SEPTIN11: variants seen among roughly 807,000 people sequenced by gnomAD.
SEPTIN11 encodes septin-11.
SEPTIN11 carries 25 observed loss-of-function variants against 51.4 expected under a neutral mutation model. The ratio of observed to expected loss-of-function variants is 0.49; its 90% confidence interval spans 0.35 to 0.68. SEPTIN11 has a LOEUF of 0.68. Ranked by LOEUF, SEPTIN11 falls within the 30% of genes least tolerant of loss-of-function variation. SEPTIN11 has a pLI of 0.00. For synonymous variants in SEPTIN11, 174 were observed against 184.1 expected (o/e 0.95, Z 0.44); for missense variants, 381 against 520.8 (o/e 0.73, Z 2.61).
At chr4:76,952,881 T>C (rs951879664) in intron 1 of SEPTIN11, among the ~76,000 whole-genome samples, 1 of 152,180 alleles carries the variant, frequency 6.6e-6, no homozygotes, top group Admixed American at 6.5e-5. Flanking sequence ...GGGCAGCTAT[T>C]ATCTTTATTT....
intron 1 of SEPTIN11, among the ~76,000 whole-genome samples, chr4:76,980,638 TG>T (rs1722725674): frequency 1.3e-5 from 2 of 152,316 alleles, no homozygotes; most frequent in South Asian, 4.1e-4. Flanking sequence ...ATTTGAGGCT[TG>T]GATTTTTCTC....
chr4:76,975,388 AG>A (rs1206817680), intron 1 of SEPTIN11, among the ~76,000 whole-genome samples: 2 of 152,166 alleles, frequency 1.3e-5, no homozygotes, highest in African/African-American at 2.4e-5. Flanking sequence ...CCATTCCCAT[AG>A]GTTTTTGTTG....
rs114460746 is a variant in SEPTIN11 at position 76,966,088 on chromosome 4, G to C, written c.27+16158G>C. ...CTTAGGCTTTGTTAACTATGTTCCT[G>C]GGAGAGAAGGAAAGTCTGTGTTTCA... On this transcript the variant is annotated intron_variant, in intron 1 of 9. Coordinates refer to ENST00000264893, the MANE Select transcript of SEPTIN11 (RefSeq NM_018243.4). 5.8e-3 allele frequency among the ~76,000 whole-genome samples: 885 copies of C among 152,298 alleles called. 6 individuals carry two copies. The highest frequency in any genetic ancestry group is 0.021 in the African/African-American group (853 of 41,564).
intron 7 of SEPTIN11, among the ~76,000 whole-genome samples, chr4:77,023,359 A>G (rs1007364995): frequency 6.8e-6 from 1 of 147,704 alleles, no homozygotes; most frequent in Non-Finnish European, 1.5e-5. Flanking sequence ...TATATGATAT[A>G]ATTATATAAT....
intron 2 of SEPTIN11, among the ~76,000 whole-genome samples, chr4:76,999,377 G>A (rs1188359929): frequency 2.0e-5 from 3 of 152,170 alleles, no homozygotes; most frequent in East Asian, 1.9e-4. Flanking sequence ...GGACGGCCTC[G>A]TAGAGGAGGA....
chr4:77,026,985 A>G (rs1459562676), intron 7 of SEPTIN11, among the ~76,000 whole-genome samples: 1 of 152,212 alleles, frequency 6.6e-6, no homozygotes, highest in South Asian at 2.1e-4. Context: ...TTTTTATCTT[A>G]TAAGATAATG....
intron 1 of SEPTIN11, among the ~76,000 whole-genome samples, chr4:76,957,792 T>C (rs895254969): frequency 6.6e-6 from 1 of 152,092 alleles, no homozygotes; most frequent in African/African-American, 2.4e-5. Context: ...CCTCCACCCA[T>C]GAATCACCAA....
At chr4:76,994,900 CTTTTTTTTTTTTTTT>C (rs55728971) in intron 1 of SEPTIN11, among the ~76,000 whole-genome samples, 1 of 54,856 alleles carries the variant, frequency 1.8e-5, no homozygotes, top group Non-Finnish European at 3.3e-5. Context: ...CTGTACAAAG[CTTTTTTTTTTTTTTT>C]TTTTTTTTTT....
intron 1 of SEPTIN11, chr4:76,973,178 T>C (rs1460389048): frequency 1.3e-5 from 2 of 152,198 alleles, no homozygotes; most frequent in Non-Finnish European, 2.9e-5. Context: ...ACTTTATCAC[T>C]CAAAGCCTGT....
intron 1 of SEPTIN11, among the ~76,000 whole-genome samples, chr4:76,990,907 C>T (rs1294850700): frequency 6.6e-6 from 1 of 152,218 alleles, no homozygotes; most frequent in Non-Finnish European, 1.5e-5. Context: ...ATTCTGCAAA[C>T]AGGAATGTGA....
In SEPTIN11 at chr4:77,034,676, G is replaced by T; in HGVS notation, c.*164G>T. 7.5e-7 allele frequency: 1 copy of T among 1,325,688 alleles called. No individual in the cohort carries two copies. The highest frequency in any genetic ancestry group is 9.6e-7 in the Non-Finnish European group (1 of 1,036,518). The allele number at this position is 1,325,688 out of a possible 1,614,324, so 82.1% of individuals were successfully genotyped here. A position where few individuals can be genotyped will look rare whatever the true frequency, so the allele number is the denominator to read the frequency against. ...TCGTTTTGCTGAATGTTGTTGGGTGGTAGAAAATGATAGAACAAGGGAATA... is the reference window on the plus strand; with the variant it reads ...TCGTTTTGCTGAATGTTGTTGGGTGTTAGAAAATGATAGAACAAGGGAATA... On this transcript the variant is annotated 3_prime_UTR_variant, in exon 10 of 10. Coordinates refer to ENST00000264893, the MANE Select transcript of SEPTIN11 (RefSeq NM_018243.4).
At chr4:77,022,895 C>G (rs1043916599) in intron 7 of SEPTIN11, among the ~76,000 whole-genome samples, 14 of 141,516 alleles carry the variant, frequency 9.9e-5, no homozygotes, top group African/African-American at 3.4e-4. Context: ...TAGGTCTTTC[C>G]ACCATCTTGA....
At chr4:76,954,982 TA>T (rs200111082) in intron 1 of SEPTIN11, among the ~76,000 whole-genome samples, 13 of 37,630 alleles carry the variant, frequency 3.5e-4, no homozygotes, top group Admixed American at 2.9e-3. Context: ...TTTATTTATT[TA>T]TTTTTTTTTG....
At chr4:76,996,837 G>C (rs1427190397) in intron 2 of SEPTIN11, among the ~76,000 whole-genome samples, 1 of 150,944 alleles carries the variant, frequency 6.6e-6, no homozygotes, top group East Asian at 1.9e-4. Flanking sequence ...TTTTACTTTG[G>C]ACTAGGCCTC....
intron 1 of SEPTIN11, chr4:76,974,368 G>T: frequency 6.2e-6 from 1 of 161,812 alleles, no homozygotes; most frequent in Non-Finnish European, 1.4e-5. Flanking sequence ...CGGATGCTGG[G>T]GAGGCAAAGT....
intron 1 of SEPTIN11, among the ~76,000 whole-genome samples, chr4:76,970,122 C>T (rs185177565): frequency 1.3e-5 from 2 of 152,294 alleles, no homozygotes; most frequent in Admixed American, 1.3e-4. Context: ...GTGTACCCTT[C>T]GCTTACCTCT....
At chr4:76,955,660 T>G (rs1314085031) in intron 1 of SEPTIN11, among the ~76,000 whole-genome samples, 1 of 152,254 alleles carries the variant, frequency 6.6e-6, no homozygotes, top group African/African-American at 2.4e-5. Context: ...TGCAGACTAC[T>G]AATTCTTCAG....
chr4:76,986,364 G>C (rs1723029022), intron 1 of SEPTIN11, among the ~76,000 whole-genome samples: 1 of 151,814 alleles, frequency 6.6e-6, no homozygotes, highest in African/African-American at 2.4e-5. Flanking sequence ...CTGTACAGTA[G>C]GAAGCCCAGC....
chr4:76,957,811 C>T (rs1367261750), intron 1 of SEPTIN11, among the ~76,000 whole-genome samples: 3 of 151,976 alleles, frequency 2.0e-5, no homozygotes, highest in Non-Finnish European at 2.9e-5. Flanking sequence ...AAAATTTTGG[C>T]GATTTTTATT....
Sources: allele counts gnomAD v4.1 joint callset (sites outside exome capture counted in the v4.1 genomes callset), GRCh38; gene constraint gnomAD v4.1.1; transcripts MANE v1.5; gene names NCBI Gene and HGNC (gene_info 2026-07-23, HGNC 2026-07-21).